The following ASIC2 variants were observed in gnomAD, a reference collection of about 807,000 sequenced individuals.
ASIC2 encodes the protein acid-sensing ion channel 2.
In ASIC2, 25 loss-of-function variants were observed where a neutral mutation model predicts 57.3. The ratio of observed to expected loss-of-function variants is 0.44; its 90% CI spans 0.32 to 0.61. The LOEUF (loss-of-function observed/expected upper bound fraction) is 0.61. ASIC2 is among the 20% of genes least tolerant of loss of function. The probability of loss-of-function intolerance (pLI) is 0.06; values close to 1 mark genes in which losing one functional copy is unlikely to be tolerated. For synonymous variants in ASIC2, 319 were observed against 307.5 expected (o/e 1.04, Z -0.39); for missense variants, 641 against 738.1 (o/e 0.87, Z 1.52).
intron 1 of ASIC2, among the ~76,000 whole-genome samples, chr17:33,666,471 G>T (rs1342186756): frequency 6.6e-6 from 1 of 152,130 alleles, no homozygotes; most frequent in Non-Finnish European, 1.5e-5. Flanking sequence ...GAGCCAAGAG[G>T]CTCAAAGCCC....
intron 1 of ASIC2, among the ~76,000 whole-genome samples, chr17:33,590,263 C>A (rs146638063): frequency 2.4e-3 from 362 of 152,234 alleles, no homozygotes; most frequent in African/African-American, 8.0e-3. Flanking sequence ...GATCAAGGGG[C>A]AGTATGGATT....
At chr17:33,819,592 C>T (rs958433142) in intron 1 of ASIC2, among the ~76,000 whole-genome samples, 1 of 152,214 alleles carries the variant, frequency 6.6e-6, no homozygotes. Flanking sequence ...ACAGGTGGAG[C>T]TAAGTGCAAC....
chr17:34,064,007 C>A (rs1442852911), intron 1 of ASIC2, among the ~76,000 whole-genome samples: 1 of 152,066 alleles, frequency 6.6e-6, no homozygotes, highest in Non-Finnish European at 1.5e-5. Context: ...TCATTCTTCA[C>A]AGAATTAGAA....
At chr17:33,673,900 T>C (rs1010906736) in intron 1 of ASIC2, among the ~76,000 whole-genome samples, 3 of 149,578 alleles carry the variant, frequency 2.0e-5, no homozygotes, top group South Asian at 2.1e-4. Flanking sequence ...TCCGTGTCTT[T>C]TTTTTTTTTT....
intron 1 of ASIC2, among the ~76,000 whole-genome samples, chr17:33,437,682 G>C (rs1045137672): frequency 6.6e-6 from 1 of 152,146 alleles, no homozygotes. Flanking sequence ...TGTAGTCCCA[G>C]CTACTTGGGA....
chr17:33,312,183 T>C lies in ASIC2; in HGVS notation c.556-200116A>G, dbSNP rs543746880. On this transcript the variant is annotated intron_variant, in intron 1 of 9. Coordinates refer to the ASIC2 transcript ENST00000359872. The stretch of plus-strand genomic sequence containing the variant: ...CTGTAGATTTCTGTAAATAATGAAA[T>C]AAGTGAGAGCAATATAGGTAACCTG... Among the ~76,000 whole-genome samples, 14 of 152,270 alleles carry C rather than the reference T, an allele frequency of 9.2e-5. 1 individual carries two copies. The highest frequency in any genetic ancestry group is 3.4e-4 in the African/African-American group (14 of 41,558).
intron 1 of ASIC2, among the ~76,000 whole-genome samples, chr17:33,994,107 T>A (rs1906082217): frequency 6.6e-6 from 1 of 152,128 alleles, no homozygotes; most frequent in Admixed American, 6.6e-5. Flanking sequence ...AAATATTTCA[T>A]CAAATGAAGG....
In ASIC2 at chr17:33,999,846, T is replaced by C. The variant is rs144436849; in HGVS notation, c.555+156132A>G. Among the ~76,000 whole-genome samples the C allele has an allele frequency of 9.1e-3, 1,388 of 152,290 alleles. 7 individuals carry two copies. The highest frequency in any genetic ancestry group is 0.015 in the Non-Finnish European group (1,027 of 67,988). ...CAGGATTTAGCTATATTTTTACCTT[T>C]ACAGTGAGTTTTAAACTTTCATGTT... On this transcript the variant is annotated intron_variant, in intron 1 of 9. Coordinates refer to the ASIC2 transcript ENST00000359872.
chr17:33,845,195 C>T (rs2141911258), intron 1 of ASIC2, among the ~76,000 whole-genome samples: 1 of 152,286 alleles, frequency 6.6e-6, no homozygotes, highest in Non-Finnish European at 1.5e-5. Flanking sequence ...ACTATTGATA[C>T]CTAATTCTAT....
At chr17:33,341,364 T>C (rs1298566805) in intron 1 of ASIC2, among the ~76,000 whole-genome samples, 3 of 152,152 alleles carry the variant, frequency 2.0e-5, no homozygotes, top group Non-Finnish European at 4.4e-5. Flanking sequence ...CATCATCCAA[T>C]CCAAGCCACT....
In ASIC2 at chr17:33,416,966, T is replaced by C. The variant is rs115300265; in HGVS notation, c.556-304899A>G. Among the ~76,000 whole-genome samples the C allele has an allele frequency of 1.0e-3, 157 of 151,958 alleles. 1 individual carries two copies. The highest frequency in any genetic ancestry group is 3.7e-3 in the African/African-American group (152 of 41,428). Reference sequence around the variant, plus strand: ...GCTAGACAGTGAGAAAGCTTCTAAATGAGCATGAGGCTTAATGGCTTAACC... The same window carrying C: ...GCTAGACAGTGAGAAAGCTTCTAAACGAGCATGAGGCTTAATGGCTTAACC... On this transcript the variant is annotated intron_variant, in intron 1 of 9. Coordinates refer to the ASIC2 transcript ENST00000359872.
At chr17:34,112,877 T>C (rs1281659412) in intron 1 of ASIC2, among the ~76,000 whole-genome samples, 6 of 152,226 alleles carry the variant, frequency 3.9e-5, no homozygotes, top group Admixed American at 2.6e-4. Flanking sequence ...TGTTACTTCA[T>C]GGTCTTATGG....
intron 1 of ASIC2, among the ~76,000 whole-genome samples, chr17:33,437,645 C>T (rs1911673164): frequency 6.6e-6 from 1 of 151,910 alleles, no homozygotes; most frequent in Admixed American, 6.6e-5. Flanking sequence ...AAAATACAAA[C>T]ATTAGCTGGG....
At chr17:33,115,800 G>A (rs1229654440) in intron 1 of ASIC2, among the ~76,000 whole-genome samples, 1 of 152,216 alleles carries the variant, frequency 6.6e-6, no homozygotes, top group African/African-American at 2.4e-5. Flanking sequence ...CTACCAGACT[G>A]TCACCTTCGA....
chr17:33,293,108 G>T lies in ASIC2; in HGVS notation c.-993C>A. 1 of 889,168 alleles carries T rather than the reference G, an allele frequency of 1.1e-6. No individual in the cohort carries two copies. Among genetic ancestry groups the T allele is most frequent in the Non-Finnish European group, 1.3e-6 (1 of 742,354 alleles). The allele number at this position is 889,168 out of a possible 1,614,324, so 55.1% of individuals were successfully genotyped here. A position where few individuals can be genotyped will look rare whatever the true frequency, so the allele number is the denominator to read the frequency against. ...CACCTCCCGGGGGTGACCCGGACTC[G>T]CTGCTCCGCGCGCCCTTCTCCTCTC... On this transcript the variant is annotated 5_prime_UTR_variant, in exon 1 of 10. Transcript: ENST00000225823.
chr17:33,094,026 G>C (rs1165705891), intron 2 of ASIC2, among the ~76,000 whole-genome samples: 1 of 152,170 alleles, frequency 6.6e-6, no homozygotes, highest in Non-Finnish European at 1.5e-5. Context: ...ACAATGGCCA[G>C]CCATATAAGG....
At chr17:33,155,638 C>T (rs1904975027) in intron 1 of ASIC2, among the ~76,000 whole-genome samples, 1 of 148,512 alleles carries the variant, frequency 6.7e-6, no homozygotes, top group South Asian at 2.1e-4. Flanking sequence ...CGGATCACTG[C>T]AACCTCAGCC....
At chr17:33,913,889 T>C (rs1463893719) in intron 1 of ASIC2, among the ~76,000 whole-genome samples, 1 of 152,244 alleles carries the variant, frequency 6.6e-6, no homozygotes, top group Non-Finnish European at 1.5e-5. Flanking sequence ...CTCATTTTAA[T>C]TTTCCCAACA....
chr17:33,155,652 C>T (rs543077342), intron 1 of ASIC2, among the ~76,000 whole-genome samples: 3 of 151,306 alleles, frequency 2.0e-5, no homozygotes, highest in East Asian at 1.9e-4. Flanking sequence ...CTCAGCCTCC[C>T]GGGTTCAAGC....
Sources: gnomAD v4.1 joint callset for allele counts (sites outside exome capture counted in the v4.1 genomes callset) on GRCh38, gnomAD v4.1.1 for gene constraint, MANE v1.5 for transcripts, NCBI Gene and HGNC (gene_info 2026-07-23, HGNC 2026-07-21) for gene names.